The following PRDM5 variants were observed in gnomAD, a reference collection of about 807,000 sequenced individuals.
PRDM5 encodes PR/SET domain 5.
In PRDM5, 56 loss-of-function variants were observed where a neutral mutation model predicts 81.2. That is an observed-to-expected ratio of 0.69 (90% CI 0.56 to 0.86). PRDM5 has a LOEUF of 0.86. PRDM5 is among the 40% of genes least tolerant of loss of function. The pLI is 0.00. For synonymous variants in PRDM5, 267 were observed against 256.4 expected, an observed-to-expected ratio of 1.04 and a Z score of -0.39; for missense variants, 697 against 770.1, an observed-to-expected ratio of 0.91 and a Z score of 1.12.
In PRDM5 at chr4:120,853,458, T is replaced by C. The variant is rs772754429; in HGVS notation, c.260A>G (p.Glu87Gly). 2.5e-6 allele frequency: 4 copies of C among 1,613,746 alleles called. No individual in the cohort carries two copies. In the East Asian group the frequency reaches 6.7e-5, roughly 27 times the overall value. ...GTTCTTCTGCTCCTGAGATGGTGCC[T>C]CATGAACGAAGCGAAGCCAGTTGGA... ...RHSNWLRFVH[E>G]APSQEQKNLA... Residue 87 changes from glutamate (E) to glycine (G), a missense_variant, in exon 3 of 16, where the codon GAG becomes GGG. Coordinates refer to ENST00000264808, the MANE Select transcript of PRDM5 (RefSeq NM_018699.4).
chr4:120,685,509 G>T (rs1296024471), intron 1 of PRDM5, among the ~76,000 whole-genome samples: 2 of 152,038 alleles, frequency 1.3e-5, no homozygotes, highest in African/African-American at 4.8e-5. Context: ...AAATTAAAAT[G>T]TTATCAATTT....
Position 120,693,919 on chromosome 4 carries a change from T to G in PRDM5, c.*1192A>C, listed in dbSNP as rs1196894472. ...TCATTGTATGTTGCTGTCAAGTATT[T>G]TGCTGAAATATAACCTAAAGGAAGA... On this transcript the variant is annotated 3_prime_UTR_variant, in exon 16 of 16. Transcript: ENST00000264808. 6.6e-6 allele frequency: 1 copy of G among 152,126 alleles called. No individual in the cohort carries two copies. Among genetic ancestry groups the G allele is most frequent in the Non-Finnish European group, 1.5e-5 (1 of 68,006 alleles). 9.4% of individuals were successfully genotyped at this position (152,126 alleles called of 1,614,324 possible).
chr4:120,855,089 C>T (rs1401730816), intron 2 of PRDM5, among the ~76,000 whole-genome samples: 2 of 151,976 alleles, frequency 1.3e-5, no homozygotes, highest in Admixed American at 6.6e-5. Flanking sequence ...GTTATTTTTA[C>T]CCAAAAAACA....
chr4:120,781,902 A>T (rs1053514571), intron 11 of PRDM5, among the ~76,000 whole-genome samples: 2 of 152,186 alleles, frequency 1.3e-5, no homozygotes, highest in Non-Finnish European at 2.9e-5. Flanking sequence ...AAAGTCTCCA[A>T]GGCTTTGAGG....
chr4:120,892,370 G>A (rs1187549438), intron 2 of PRDM5, among the ~76,000 whole-genome samples: 1 of 152,156 alleles, frequency 6.6e-6, no homozygotes, highest in Non-Finnish European at 1.5e-5. Context: ...GAACGTCACT[G>A]ATAGTTTTGT....
intron 12 of PRDM5, 21 bp downstream of exon 12, chr4:120,781,118 AAACT>A: frequency 1.2e-6 from 2 of 1,600,396 alleles, no homozygotes; most frequent in Non-Finnish European, 1.7e-6. Flanking sequence ...TAATCTGTTC[AAACT>A]AACAGAAGAC....
chr4:120,812,552 T>G (rs183285983), intron 7 of PRDM5: 85 of 159,598 alleles, frequency 5.3e-4, no homozygotes, highest in Non-Finnish European at 9.4e-4. Context: ...TTCATATACC[T>G]GTTGGCCATT....
intron 3 of PRDM5, among the ~76,000 whole-genome samples, chr4:120,844,452 C>G (rs372243366): frequency 6.6e-6 from 1 of 152,132 alleles, no homozygotes; most frequent in African/African-American, 2.4e-5. Context: ...CTACTTTTTG[C>G]AATATTTCTA....
rs1459200785 is a variant in PRDM5, at chr4:120,781,227, C to G, written c.1359G>C (p.Val453=). Residue 453 remains valine, a synonymous_variant, in exon 12 of 16, where the codon GTG becomes GTC. Coordinates refer to ENST00000264808, the MANE Select transcript of PRDM5 (RefSeq NM_018699.4). ...TATACTTCTTGTGTCTTTCATGAAC[C>G]ACCTGGACATGAACATTTAATGTAT... ...RKDTLNVHVQ[V]VHERHKKYRC... is the part of the protein sequence containing the mutation. 1.2e-6 allele frequency: 2 copies of G among 1,612,110 alleles called. No homozygotes were observed. Among genetic ancestry groups the G allele is most frequent in the Non-Finnish European group, 1.7e-6 (2 of 1,178,370 alleles).
chr4:120,808,027 G>C (rs185325723), intron 8 of PRDM5, among the ~76,000 whole-genome samples: 17 of 152,320 alleles, frequency 1.1e-4, no homozygotes, highest in African/African-American at 2.9e-4. Context: ...AGAAGCTGCA[G>C]ACCTTTGCAG....
intron 15 of PRDM5, among the ~76,000 whole-genome samples, chr4:120,704,738 GAGA>G (rs1735867069): frequency 6.6e-6 from 1 of 152,134 alleles, no homozygotes. Context: ...ATGGCTTGGA[GAGA>G]AGAAGGCAGG....
intron 3 of PRDM5, among the ~76,000 whole-genome samples, chr4:120,827,134 C>T (rs113507674): frequency 3.3e-5 from 5 of 152,178 alleles, no homozygotes; most frequent in East Asian, 1.9e-4. Context: ...CTTCGGACAA[C>T]GAATGCATTC....
intron 2 of PRDM5, among the ~76,000 whole-genome samples, chr4:120,887,786 C>G (rs1763596058): frequency 1.2e-5 from 1 of 85,208 alleles, no homozygotes; most frequent in Non-Finnish European, 2.1e-5. Context: ...ACATTTTATC[C>G]TTTTTTTTTT....
intron 2 of PRDM5, among the ~76,000 whole-genome samples, chr4:120,857,413 A>T (rs1383011980): frequency 6.6e-6 from 1 of 152,166 alleles, no homozygotes; most frequent in African/African-American, 2.4e-5. Context: ...GTGAAAATGA[A>T]AACTTTTATG....
chr4:120,770,925 AT>A (rs5861490), intron 13 of PRDM5, among the ~76,000 whole-genome samples: 57,233 of 151,892 alleles, frequency 0.38, 10,994 homozygotes, highest in East Asian at 0.49. Context: ...ACATATAGAA[AT>A]AAAAGCAGTT....
intron 2 of PRDM5, among the ~76,000 whole-genome samples, chr4:120,871,633 T>TAAAAAATTAAAAAATTTTAA (rs1761804476): frequency 8.5e-5 from 13 of 152,298 alleles, no homozygotes; most frequent in South Asian, 6.2e-4. Flanking sequence ...TCCTCCATCG[T>TAAAAAATTAAAAAATTTTAA]AAACTTAAAA....
chr4:120,765,781 A>G (rs1178027278), intron 13 of PRDM5, among the ~76,000 whole-genome samples: 2 of 152,172 alleles, frequency 1.3e-5, no homozygotes, highest in Admixed American at 1.3e-4. Context: ...TAGAGGGTCA[A>G]ACAGTGTATC....
chr4:120,920,174 A>G (rs1724712415), intron 1 of PRDM5, among the ~76,000 whole-genome samples: 2 of 152,236 alleles, frequency 1.3e-5, no homozygotes, highest in South Asian at 4.1e-4. Flanking sequence ...TGGGGTTTCT[A>G]GCAAGATTCC....
intron 14 of PRDM5, among the ~76,000 whole-genome samples, chr4:120,748,383 C>T (rs1743458220): frequency 6.6e-6 from 1 of 152,122 alleles, no homozygotes; most frequent in Admixed American, 6.5e-5. Flanking sequence ...GTATTTCTCA[C>T]CTACAATCCC....
Sources: allele counts gnomAD v4.1 joint callset (sites outside exome capture counted in the v4.1 genomes callset), GRCh38; gene constraint gnomAD v4.1.1; transcripts MANE v1.5; gene names NCBI Gene and HGNC (gene_info 2026-07-23, HGNC 2026-07-21).